The following ATP13A5 variants were observed in gnomAD, a reference collection of about 807,000 sequenced individuals.
ATP13A5 encodes the protein probable cation-transporting ATPase 13A5.
In ATP13A5, 149 loss-of-function variants were observed where a neutral mutation model predicts 150.2. The ratio of observed to expected loss-of-function variants is 0.99; its 90% CI spans 0.87 to 1.14. ATP13A5 has a LOEUF of 1.14. Among genes scored for constraint, ATP13A5 ranks in the 50% most tolerant of loss-of-function variants. ATP13A5 has a pLI of 0.00. For missense variants in ATP13A5, 1,383 were observed against 1,449.3 expected, an observed-to-expected ratio of 0.95 and a Z score of 0.74; for synonymous variants, 497 against 522.2, an observed-to-expected ratio of 0.95 and a Z score of 0.66.
chr3:193,317,766 G>T (rs1430641316), intron 17 of ATP13A5, among the ~76,000 whole-genome samples: 1 of 152,118 alleles, frequency 6.6e-6, no homozygotes, highest in East Asian at 1.9e-4. Flanking sequence ...TGGAAATATA[G>T]CACATTTTAT....
intron 7 of ATP13A5, among the ~76,000 whole-genome samples, chr3:193,347,219 G>A (rs181600409): frequency 4.5e-4 from 69 of 152,190 alleles, no homozygotes; most frequent in Non-Finnish European, 9.1e-4. Flanking sequence ...TTTATAAATA[G>A]TTTAAAACAT....
chr3:193,321,459 C>T lies in ATP13A5; in HGVS notation c.1915+222G>A, dbSNP rs150178467. ...CAGCCTGGCCTACATGGTGAAACCC[C>T]GTCTCTACTAAAAATACTAAAATTA... On this transcript the variant is annotated intron_variant, in intron 16 of 29. Coordinates refer to ENST00000342358, the MANE Select transcript of ATP13A5 (RefSeq NM_198505.4). Among the ~76,000 whole-genome samples, 192 of 152,014 alleles carry T rather than the reference C, an allele frequency of 1.3e-3. 1 individual carries two copies. Among genetic ancestry groups the T allele is most frequent in the South Asian group, 3.5e-3 (17 of 4,804 alleles).
chr3:193,310,728 A>G lies in ATP13A5; in HGVS notation c.2446-11T>C, dbSNP rs1165558349. 1.3e-6 allele frequency: 2 copies of G among 1,593,642 alleles called. No individual in the cohort carries two copies. Among genetic ancestry groups the G allele is most frequent in the South Asian group, 2.3e-5 (2 of 86,772 alleles). The stretch of plus-strand genomic sequence containing the variant: ...TCCATTCACCAGAATCTAAAAAGAA[A>G]AAACAACCATTGCAATATGATTGGG... On this transcript the variant is annotated splice_polypyrimidine_tract_variant and intron_variant, in intron 20 of 29. Transcript: ENST00000342358.
At chr3:193,302,104 C>T (rs1718423178) in intron 23 of ATP13A5, among the ~76,000 whole-genome samples, 2 of 152,130 alleles carry the variant, frequency 1.3e-5, no homozygotes, top group Non-Finnish European at 2.9e-5. Context: ...CTGCTCAGGG[C>T]AGAAGCAATC....
chr3:193,312,682 A>G (rs1271947096), intron 19 of ATP13A5: 2 of 152,184 alleles, frequency 1.3e-5, no homozygotes, highest in African/African-American at 4.8e-5. Flanking sequence ...ATTTGTGTTT[A>G]GGACTCTAAA....
At chr3:193,299,714 C>T (rs572693120) in intron 24 of ATP13A5, among the ~76,000 whole-genome samples, 1 of 152,262 alleles carries the variant, frequency 6.6e-6, no homozygotes, top group South Asian at 2.1e-4. Context: ...TCGGGTACAT[C>T]TGCCTTTTTA....
intron 22 of ATP13A5, among the ~76,000 whole-genome samples, chr3:193,306,136 A>T (rs1718610201): frequency 6.6e-6 from 1 of 151,556 alleles, no homozygotes; most frequent in South Asian, 2.1e-4. Context: ...ATGAACTTTT[A>T]TATATCTGTA....
chr3:193,345,609 G>A (rs1298589780), intron 7 of ATP13A5, among the ~76,000 whole-genome samples: 1 of 152,170 alleles, frequency 6.6e-6, no homozygotes, highest in Non-Finnish European at 1.5e-5. Context: ...CAGTGTATGA[G>A]TGGTGGAAGT....
In ATP13A5 at chr3:193,307,328, C is replaced by T; in HGVS notation, c.2567G>A (p.Gly856Glu). The T allele has an allele frequency of 6.2e-7, 1 of 1,613,838 alleles. No homozygotes were observed. The highest frequency in any genetic ancestry group is 2.2e-5 in the East Asian group (1 of 44,856). The change falls in exon 22 of 30, where the codon GGG (glycine) becomes GAG (glutamate). Residue 856 changes from glycine to glutamate, a missense_variant and splice_region_variant. By Grantham distance (98) the Gly-to-Glu change is moderately conservative (BLOSUM62 -2). This residue lies in a region of ATP13A5 where 568 missense variants were observed against 621.5 expected (regional missense o/e 0.91). Coordinates refer to ENST00000342358, the MANE Select transcript of ATP13A5 (RefSeq NM_198505.4). Reference sequence around the variant, plus strand: ...TGAGCAAAAGCCATTTCTACTCACCCCACAGTCGTTAGCTCCATCTCCACA... The same window carrying T: ...TGAGCAAAAGCCATTTCTACTCACCTCACAGTCGTTAGCTCCATCTCCACA... ...GMCGDGANDCGALKAAHAGIS... is the reference protein window; with the variant it reads ...GMCGDGANDCEALKAAHAGIS...
intron 19 of ATP13A5, among the ~76,000 whole-genome samples, 193 bp from the exon 20 acceptor site, chr3:193,312,134 C>G (rs1289962182): frequency 6.6e-6 from 1 of 152,186 alleles, no homozygotes; most frequent in Non-Finnish European, 1.5e-5. Flanking sequence ...ATTATGTAAA[C>G]ATATGATACT....
At chr3:193,278,892 T>C (rs1196708613) in intron 28 of ATP13A5, among the ~76,000 whole-genome samples, 1 of 152,220 alleles carries the variant, frequency 6.6e-6, no homozygotes, top group Non-Finnish European at 1.5e-5. Context: ...CCTTGATGAA[T>C]TAGATTTTAA....
rs528214362 is a variant in ATP13A5, at chr3:193,338,296, T to C, written c.944-3197A>G. On this transcript the variant is annotated intron_variant, in intron 9 of 29. Transcript: ENST00000342358. ...TGAATAGGAGTGGTGAGAGAGGGCA[T>C]CCCTGTCTTGTGCCAGTTTTCAAAG... Among the ~76,000 whole-genome samples the C allele has an allele frequency of 2.3e-3, 355 of 152,328 alleles. 4 individuals are homozygous for C. The highest frequency in any genetic ancestry group is 7.8e-3 in the African/African-American group (326 of 41,582).
At chr3:193,301,335 T>A (rs1214753690) in intron 23 of ATP13A5, 28 bp from the exon 24 acceptor site, 6 of 1,576,652 alleles carry the variant, frequency 3.8e-6, no homozygotes, top group Non-Finnish European at 5.2e-6. Flanking sequence ...AAAATAAAAA[T>A]TGGTTATGTA....
chr3:193,328,575 A>G (rs992365304), intron 12 of ATP13A5, among the ~76,000 whole-genome samples: 5 of 152,234 alleles, frequency 3.3e-5, no homozygotes, highest in Non-Finnish European at 7.3e-5. Context: ...TTATCTCTCT[A>G]TGAAAATGAC....
At chr3:193,347,090 C>T (rs1712369307) in intron 7 of ATP13A5, among the ~76,000 whole-genome samples, 1 of 152,112 alleles carries the variant, frequency 6.6e-6, no homozygotes, top group Non-Finnish European at 1.5e-5. Context: ...CAAGTTATAC[C>T]TTCAAGCTCT....
Position 193,275,251 on chromosome 3 carries a change from C to CA in ATP13A5, c.3447dup (p.Gly1150TrpfsTer5). 1 of 1,614,038 alleles carries CA rather than the reference C, an allele frequency of 6.2e-7. No individual in the cohort carries two copies. On this transcript the variant is annotated frameshift_variant, in exon 30 of 30. Coordinates refer to ENST00000342358, the MANE Select transcript of ATP13A5 (RefSeq NM_198505.4). LOFTEE classifies it low-confidence loss of function (END_TRUNC). ...CTATATTGACTTTTAGAGTAGAATC[C>CA]AAATTCTCTTTTGATCAACAGCCAG... is the stretch of plus-strand genomic sequence containing the variant.
Position 193,322,576 on chromosome 3 carries a change from T to C in ATP13A5, c.1675-2A>G. On this transcript the variant is annotated splice_acceptor_variant, in intron 14 of 29. Transcript: ENST00000342358. LOFTEE classifies it high-confidence loss of function. ...GTCTACAATGCAATCTTCCATTTTC[T>C]GTTATAAAATGAAAACATTCATAAG... 1 of 1,595,866 alleles carries C rather than the reference T, an allele frequency of 6.3e-7. No individual in the cohort carries two copies. The highest frequency in any genetic ancestry group is 8.6e-7 in the Non-Finnish European group (1 of 1,165,770).
At chr3:193,285,170 AGGTG>A in intron 26 of ATP13A5, 54 bp from the exon 27 acceptor site, 2 of 1,450,866 alleles carry the variant, frequency 1.4e-6, no homozygotes, top group Admixed American at 3.9e-5. Context: ...TTTGTCCATT[AGGTG>A]AAAAAAAAAA....
chr3:193,296,028 G>A (rs1263024692), intron 25 of ATP13A5, among the ~76,000 whole-genome samples: 1 of 152,104 alleles, frequency 6.6e-6, no homozygotes, highest in African/African-American at 2.4e-5. Context: ...GCAGCAGCGA[G>A]AGCAAGCTAT....
Sources: allele counts gnomAD v4.1 joint callset (sites outside exome capture counted in the v4.1 genomes callset), GRCh38; gene constraint gnomAD v4.1.1; regional missense constraint gnomAD v4.1.1; transcripts MANE v1.5; gene names NCBI Gene and HGNC (gene_info 2026-07-23, HGNC 2026-07-21).